Variants in SERPINB7 observed in about 807,000 individuals in gnomAD.
The protein encoded by SERPINB7 is serpin B7.
SERPINB7 carries 31 observed loss-of-function variants against 37.4 expected under a neutral mutation model. The ratio of observed to expected loss-of-function variants is 0.83; its 90% CI spans 0.62 to 1.12. The LOEUF is 1.12. Among genes scored for constraint, SERPINB7 ranks in the 50% most tolerant of loss-of-function variants. The pLI is 0.00. For synonymous variants in SERPINB7, 163 were observed against 166.1 expected (o/e 0.98, Z 0.14); for missense variants, 521 against 455.3 (o/e 1.14, Z -1.31).
rs749786049 is a variant in SERPINB7, at chr18:63,792,393, T to C, written c.169T>C (p.Leu57=). The part of the protein sequence containing the change: ...QDDSLSQIDK[L]LHVNTASGYG... ...TGCTTTCCTTGTGCCCTGTTTACAG[T>C]TGCTTCATGTTAACACTGCCTCAGG... Residue 57 remains leucine, a splice_region_variant and synonymous_variant, in exon 3 of 8, where the codon TTG becomes CTG. Coordinates refer to ENST00000398019, the MANE Select transcript of SERPINB7 (RefSeq NM_003784.4). 1.3e-6 allele frequency: 2 copies of C among 1,597,736 alleles called. No individual in the cohort carries two copies. The highest frequency in any genetic ancestry group is 1.7e-6 in the Non-Finnish European group (2 of 1,165,208).
chr18:63,776,122 G>A (rs559137220), intron 1 of SERPINB7, among the ~76,000 whole-genome samples: 9 of 152,034 alleles, frequency 5.9e-5, no homozygotes, highest in South Asian at 2.1e-4. Flanking sequence ...TACACAATGC[G>A]CCATGACCCT....
intron 5 of SERPINB7, among the ~76,000 whole-genome samples, chr18:63,797,932 T>C (rs1784357014): frequency 6.6e-6 from 1 of 152,254 alleles, no homozygotes; most frequent in Admixed American, 6.5e-5. Context: ...AAGCTCTTCC[T>C]GCTCCCCACT....
At chr18:63,771,564 C>T (rs186612843), upstream of SERPINB7, among the ~76,000 whole-genome samples, 7 of 151,650 alleles carry the variant, frequency 4.6e-5, no homozygotes, top group South Asian at 2.1e-4. Flanking sequence ...TTGTTTTTTT[C>T]TTAAAGACAG....
At chr18:63,769,002 G>T (rs2144592635) in intron 1 of SERPINB7, among the ~76,000 whole-genome samples, 1 of 152,210 alleles carries the variant, frequency 6.6e-6, no homozygotes, top group South Asian at 2.1e-4. Flanking sequence ...ACCTGTTGAG[G>T]AATATTTGGT....
upstream of SERPINB7, among the ~76,000 whole-genome samples, chr18:63,774,388 G>A (rs749409255): frequency 2.0e-5 from 3 of 152,070 alleles, no homozygotes; most frequent in Non-Finnish European, 4.4e-5. Context: ...TTGGATAAAT[G>A]TTGGCTGTAC....
chr18:63,781,754 G>T lies in SERPINB7; in HGVS notation c.-18-601G>T, dbSNP rs2049302704. ...TGTACATGTTCTTGATACATACTCT[G>T]ATAATCACACTTTGCATTCCAAAAA... On this transcript the variant is annotated intron_variant, in intron 1 of 7. Coordinates refer to ENST00000398019, the MANE Select transcript of SERPINB7 (RefSeq NM_003784.4). Among the ~76,000 whole-genome samples the T allele has an allele frequency of 2.0e-5, 3 of 152,192 alleles. No homozygotes were observed. In the South Asian group the frequency reaches 6.2e-4, roughly 32 times the overall value.
chr18:63,764,483 A>C (rs1156421739), intron 1 of SERPINB7, among the ~76,000 whole-genome samples: 1 of 152,154 alleles, frequency 6.6e-6, no homozygotes, highest in Non-Finnish European at 1.5e-5. Flanking sequence ...CTTCTCACTC[A>C]TCTCTCAGGA....
chr18:63,785,725 G>T (rs2689395), intron 2 of SERPINB7, among the ~76,000 whole-genome samples: 81,660 of 150,932 alleles, frequency 0.54, 22,593 homozygotes, highest in East Asian at 0.64. Context: ...TTGTTGTTGT[G>T]TTTTGTTTTT....
chr18:63,778,008 T>C (rs1459280777), intron 1 of SERPINB7: 1 of 151,996 alleles, frequency 6.6e-6, no homozygotes, highest in Admixed American at 6.6e-5. Context: ...CCAGATCGGA[T>C]AATGGTCCTC....
rs71162679 is a variant in SERPINB7, at chr18:63,786,140, T to TAC, written c.168+3601_168+3602insCA. 3.8e-4 allele frequency among the ~76,000 whole-genome samples: 44 copies of TAC among 115,812 alleles called. 1 individual carries two copies. Among genetic ancestry groups the TAC allele is most frequent in the South Asian group, 8.8e-4 (3 of 3,402 alleles). 76.0% of individuals were successfully genotyped at this position (115,812 alleles called of 152,430 possible). ...ATGTATATATATACGTATATACATATATACACACACACACACACACACACA... is the reference window on the plus strand; with the variant it reads ...ATGTATATATATACGTATATACATATACATACACACACACACACACACACACA... On this transcript the variant is annotated intron_variant, in intron 2 of 7. Transcript: ENST00000398019.
intron 4 of SERPINB7, among the ~76,000 whole-genome samples, chr18:63,794,295 T>C (rs1024740456): frequency 1.3e-5 from 2 of 151,092 alleles, no homozygotes; most frequent in African/African-American, 2.4e-5. Flanking sequence ...AATAGCAACA[T>C]CTATATAACT....
At chr18:63,764,749 G>T (rs558405156) in intron 1 of SERPINB7, among the ~76,000 whole-genome samples, 84 of 152,084 alleles carry the variant, frequency 5.5e-4, no homozygotes, top group African/African-American at 1.8e-3. Context: ...CACATCTTTT[G>T]GGAAAAGAGA....
At chr18:63,761,360 C>T (rs1598988780) in intron 1 of SERPINB7, among the ~76,000 whole-genome samples, 2 of 152,276 alleles carry the variant, frequency 1.3e-5, no homozygotes, top group East Asian at 1.9e-4. Context: ...TAGGAAGTAA[C>T]TAACTTGCTT....
intron 1 of SERPINB7, among the ~76,000 whole-genome samples, chr18:63,781,177 C>A (rs1441532321): frequency 6.6e-6 from 1 of 152,140 alleles, no homozygotes; most frequent in Non-Finnish European, 1.5e-5. Context: ...CTCCTTGTGA[C>A]CCCCTTCCTC....
intron 1 of SERPINB7, among the ~76,000 whole-genome samples, chr18:63,754,250 A>G (rs2049107844): frequency 6.6e-6 from 1 of 152,236 alleles, no homozygotes; most frequent in Admixed American, 6.5e-5. Context: ...AATGTGGTTT[A>G]GAGATTGATA....
rs67119027 is a variant in SERPINB7 at position 63,777,879 on chromosome 18, GACACAC to G, written c.-19+2205_-19+2210del. ...AGTCTGGCCAGATCCTTTGAAAAAA[GACACAC>G]ACACACACACACACACACACACACA... On this transcript the variant is annotated intron_variant, in intron 1 of 7. Transcript: ENST00000398019. The G allele has an allele frequency of 6.7e-3, 878 of 131,286 alleles. 6 individuals are homozygous for G. Among genetic ancestry groups the G allele is most frequent in the African/African-American group, 0.013 (447 of 34,776 alleles). 8.1% of individuals were successfully genotyped at this position (131,286 alleles called of 1,614,324 possible).
At chr18:63,761,655 C>G (rs1262331905) in intron 1 of SERPINB7, among the ~76,000 whole-genome samples, 1 of 152,146 alleles carries the variant, frequency 6.6e-6, no homozygotes, top group Admixed American at 6.5e-5. Flanking sequence ...GGAGGCCAGT[C>G]TTTCCTGTGC....
At chr18:63,767,292 T>C (rs2049185930) in intron 1 of SERPINB7, among the ~76,000 whole-genome samples, 1 of 152,164 alleles carries the variant, frequency 6.6e-6, no homozygotes, top group South Asian at 2.1e-4. Context: ...CAATACTCAA[T>C]TCAGAGTTCT....
intron 1 of SERPINB7, among the ~76,000 whole-genome samples, chr18:63,778,512 C>T (rs1425242448): frequency 6.6e-6 from 1 of 151,880 alleles, no homozygotes; most frequent in Non-Finnish European, 1.5e-5. Flanking sequence ...TATCCTAAGA[C>T]TAGATAATAC....
Sources: gnomAD v4.1 joint callset for allele counts (sites outside exome capture counted in the v4.1 genomes callset) on GRCh38, gnomAD v4.1.1 for gene constraint, MANE v1.5 for transcripts, NCBI Gene and HGNC (gene_info 2026-07-23, HGNC 2026-07-21) for gene names.